The following NELL1 variants were observed in gnomAD, a reference collection of about 807,000 sequenced individuals.
NELL1 encodes the protein protein kinase C-binding protein NELL1.
NELL1 carries 76 observed loss-of-function variants against 107.4 expected under a neutral mutation model. The ratio of observed to expected loss-of-function variants is 0.71; its 90% CI spans 0.59 to 0.86. The LOEUF is 0.86. Ranked by LOEUF, NELL1 falls within the 40% of genes least tolerant of loss-of-function variation. The pLI is 0.00. For synonymous variants in NELL1, 353 were observed against 341.2 expected, an observed-to-expected ratio of 1.03 and a Z score of -0.38; for missense variants, 1,024 against 1,005.5, an observed-to-expected ratio of 1.02 and a Z score of -0.25.
intron 14 of NELL1, among the ~76,000 whole-genome samples, chr11:21,314,948 C>T (rs1332684267): frequency 1.3e-5 from 2 of 152,044 alleles, no homozygotes; most frequent in Non-Finnish European, 2.9e-5. Context: ...CCTCCACCTC[C>T]TGGGTTCAAA....
chr11:21,201,309 G>A (rs865954693), intron 13 of NELL1, among the ~76,000 whole-genome samples: 9 of 152,120 alleles, frequency 5.9e-5, no homozygotes, highest in Admixed American at 6.6e-5. Context: ...ATTTCCTTGA[G>A]TAGCGGTTTG....
intron 13 of NELL1, among the ~76,000 whole-genome samples, chr11:21,220,197 C>G (rs1312881457): frequency 6.6e-6 from 1 of 152,150 alleles, no homozygotes; most frequent in East Asian, 1.9e-4. Context: ...ATTGGGTTCT[C>G]TATTATGTTC....
intron 16 of NELL1, among the ~76,000 whole-genome samples, chr11:21,550,281 T>C (rs1856546560): frequency 6.6e-6 from 1 of 151,940 alleles, no homozygotes; most frequent in African/African-American, 2.4e-5. Context: ...TTTCTCCCAT[T>C]TTGTAGGTTG....
rs79561971 is a variant in NELL1 at position 20,737,098 on chromosome 11, T to C, written c.185-46582T>C. Among the ~76,000 whole-genome samples, 1,346 of 152,200 alleles carry C rather than the reference T, an allele frequency of 8.8e-3. 16 individuals carry two copies. The highest frequency in any genetic ancestry group is 0.031 in the African/African-American group (1,289 of 41,530). Reference sequence around the variant, plus strand: ...CTCTCCTCTCCAGTCCTGTGTAGCCTTCTTCCCTACGTTATTTATTTATTT... The same window carrying C: ...CTCTCCTCTCCAGTCCTGTGTAGCCCTCTTCCCTACGTTATTTATTTATTT... On this transcript the variant is annotated intron_variant, in intron 2 of 19. Transcript: ENST00000357134.
At chr11:21,481,448 G>C (rs6483772) in intron 15 of NELL1, among the ~76,000 whole-genome samples, 128,293 of 152,130 alleles carry the variant, frequency 0.84, 54,337 homozygotes, top group East Asian at 0.98. Context: ...GGTCTTCAAG[G>C]ATGATTGATG....
chr11:20,874,974 C>A (rs969449271), intron 4 of NELL1, among the ~76,000 whole-genome samples: 2 of 152,174 alleles, frequency 1.3e-5, no homozygotes, highest in African/African-American at 4.8e-5. Flanking sequence ...TCACAATGCC[C>A]TCACAATCTT....
At chr11:20,951,952 G>T (rs1008051872) in intron 11 of NELL1, among the ~76,000 whole-genome samples, 6 of 151,862 alleles carry the variant, frequency 4.0e-5, no homozygotes, top group African/African-American at 1.5e-4. Flanking sequence ...GTGTGCACTG[G>T]AATAACATCT....
intron 14 of NELL1, among the ~76,000 whole-genome samples, chr11:21,361,839 T>C (rs922404047): frequency 1.3e-5 from 2 of 152,148 alleles, no homozygotes; most frequent in African/African-American, 4.8e-5. Flanking sequence ...GAAGTTGTGA[T>C]TGTTTTTCCT....
At chr11:20,919,177 T>C in intron 6 of NELL1, 75 bp from the exon 7 acceptor site, 3 of 863,848 alleles carry the variant, frequency 3.5e-6, no homozygotes, top group Non-Finnish European at 5.3e-6. Flanking sequence ...CATAGTCACG[T>C]ATCTACTGTT....
At chr11:20,950,034 A>AG (rs565886592) in intron 11 of NELL1, among the ~76,000 whole-genome samples, 221 of 152,240 alleles carry the variant, frequency 1.5e-3, no homozygotes, top group African/African-American at 5.1e-3. Flanking sequence ...TTCAGAAAAG[A>AG]GGTGGTGGGA....
At chr11:21,488,172 G>A (rs980500597) in intron 15 of NELL1, among the ~76,000 whole-genome samples, 35 of 152,074 alleles carry the variant, frequency 2.3e-4, no homozygotes, top group Non-Finnish European at 4.3e-4. Flanking sequence ...TAGACCAAGT[G>A]GATCTGACAG....
At chr11:20,810,596 G>A (rs1857481320) in intron 3 of NELL1, among the ~76,000 whole-genome samples, 1 of 152,068 alleles carries the variant, frequency 6.6e-6, no homozygotes, top group South Asian at 2.1e-4. Context: ...ATATACCATA[G>A]TTTCTTTATC....
intron 12 of NELL1, among the ~76,000 whole-genome samples, chr11:21,065,521 T>C (rs548485681): frequency 6.6e-6 from 1 of 152,304 alleles, no homozygotes; most frequent in African/African-American, 2.4e-5. Flanking sequence ...CACAAAACAT[T>C]GATTTTGTTT....
At chr11:20,979,784 T>C (rs1345395641) in intron 12 of NELL1, among the ~76,000 whole-genome samples, 1 of 152,214 alleles carries the variant, frequency 6.6e-6, no homozygotes, top group Non-Finnish European at 1.5e-5. Context: ...TAGGTATTGC[T>C]TCTGAGCCTC....
At chr11:20,884,229 C>CT (rs1849462268) in intron 4 of NELL1, among the ~76,000 whole-genome samples, 1 of 152,214 alleles carries the variant, frequency 6.6e-6, no homozygotes, top group South Asian at 2.1e-4. Context: ...CCATCACTCA[C>CT]TTTCCTTGAC....
intron 14 of NELL1, among the ~76,000 whole-genome samples, chr11:21,313,764 CTG>C (rs1051782619): frequency 6.6e-6 from 1 of 152,082 alleles, no homozygotes; most frequent in Non-Finnish European, 1.5e-5. Flanking sequence ...AGACTCACTC[CTG>C]TGATAACCCA....
intron 16 of NELL1, among the ~76,000 whole-genome samples, chr11:21,552,499 A>C (rs1057319953): frequency 6.9e-6 from 1 of 144,942 alleles, no homozygotes; most frequent in Non-Finnish European, 1.5e-5. Context: ...TAAGAAACAC[A>C]GAAAAAAAAG....
intron 16 of NELL1, among the ~76,000 whole-genome samples, chr11:21,558,393 C>G (rs1036966658): frequency 6.8e-6 from 1 of 147,486 alleles, no homozygotes; most frequent in Non-Finnish European, 1.5e-5. Flanking sequence ...AATAATCAAG[C>G]TACATAATAT....
At chr11:21,450,560 GA>G (rs1370470886) in intron 15 of NELL1, among the ~76,000 whole-genome samples, 1 of 152,154 alleles carries the variant, frequency 6.6e-6, no homozygotes, top group Admixed American at 6.5e-5. Context: ...TCATGTCTTA[GA>G]AATCTTAACA....
Sources: allele counts gnomAD v4.1 joint callset (sites outside exome capture counted in the v4.1 genomes callset), GRCh38; gene constraint gnomAD v4.1.1; transcripts MANE v1.5; gene names NCBI Gene and HGNC (gene_info 2026-07-23, HGNC 2026-07-21).